Variants in PSD2 observed in about 807,000 individuals in gnomAD.
PSD2 encodes the protein PH and SEC7 domain-containing protein 2.
Under a neutral mutation model 69.8 loss-of-function variants are expected in PSD2, and 38 were observed. That is an observed-to-expected ratio of 0.54 (90% CI 0.42 to 0.71). The LOEUF is 0.71. Ranked by LOEUF, PSD2 falls within the 30% of genes least tolerant of loss-of-function variation. The probability of loss-of-function intolerance (pLI) is 0.00; values close to 1 mark genes in which losing one functional copy is unlikely to be tolerated. For missense variants in PSD2, 943 were observed against 1,014.5 expected, an observed-to-expected ratio of 0.93 and a Z score of 0.96; for synonymous variants, 412 against 423.0, an observed-to-expected ratio of 0.97 and a Z score of 0.32.
At chr5:139,808,828 G>C (rs767014231) in intron 1 of PSD2, among the ~76,000 whole-genome samples, 23 of 152,246 alleles carry the variant, frequency 1.5e-4, no homozygotes, top group Non-Finnish European at 2.1e-4. Flanking sequence ...TCTGGGGTGG[G>C]CCCTGCTCCA....
the PSD2 span, among the ~76,000 whole-genome samples, chr5:139,759,508 C>A: frequency 1.3e-5 from 2 of 152,136 alleles, no homozygotes; most frequent in African/African-American, 4.8e-5. Context: ...CTGACGAAAT[C>A]GTCCTTTTCT....
At chr5:139,820,798 A>C (rs962551665) in intron 5 of PSD2, among the ~76,000 whole-genome samples, 2 of 152,128 alleles carry the variant, frequency 1.3e-5, no homozygotes, top group African/African-American at 2.4e-5. Flanking sequence ...GGCACTGAAT[A>C]GTGAAATGCC....
the PSD2 span, among the ~76,000 whole-genome samples, chr5:139,776,472 GT>G: frequency 6.6e-6 from 1 of 152,290 alleles, no homozygotes; most frequent in South Asian, 2.1e-4. Flanking sequence ...GGCTTTGTTT[GT>G]TTTTGTCCAG....
At chr5:139,766,828 C>CTTCTCTCTCCT in the PSD2 span, among the ~76,000 whole-genome samples, 3 of 87,812 alleles carry the variant, frequency 3.4e-5, 1 homozygote, top group South Asian at 8.6e-4. Flanking sequence ...AAGTCCCTTC[C>CTTCTCTCTCCT]TTCTTTCTTT....
intron 7 of PSD2, among the ~76,000 whole-genome samples, chr5:139,827,372 G>C (rs1351506743): frequency 6.6e-6 from 1 of 152,232 alleles, no homozygotes; most frequent in Non-Finnish European, 1.5e-5. Flanking sequence ...ACAGCTGTGT[G>C]TCCTACAAGT....
At chr5:139,764,597 G>C in the PSD2 span, among the ~76,000 whole-genome samples, 17 of 152,186 alleles carry the variant, frequency 1.1e-4, no homozygotes, top group Non-Finnish European at 2.4e-4. Flanking sequence ...ATCTCGAGCC[G>C]CGCGCCGCCC....
chr5:139,805,313 C>T (rs968337594), intron 1 of PSD2, among the ~76,000 whole-genome samples: 1 of 152,258 alleles, frequency 6.6e-6, no homozygotes, highest in African/African-American at 2.4e-5. Context: ...CCATCAGAAT[C>T]TCAGCCTTGC....
chr5:139,811,507 G>C (rs1248093532), intron 2 of PSD2, among the ~76,000 whole-genome samples: 2 of 152,170 alleles, frequency 1.3e-5, no homozygotes, highest in African/African-American at 4.8e-5. Flanking sequence ...CAGCTGATCT[G>C]AAATGGGCTG....
At chr5:139,760,565 C>G in the PSD2 span, among the ~76,000 whole-genome samples, 4 of 152,200 alleles carry the variant, frequency 2.6e-5, no homozygotes, top group African/African-American at 9.7e-5. Flanking sequence ...GATTCCAGCT[C>G]TGCCCCTGAT....
chr5:139,748,446 G>T, the PSD2 span, among the ~76,000 whole-genome samples: 1 of 152,102 alleles, frequency 6.6e-6, no homozygotes, highest in African/African-American at 2.4e-5. Context: ...ACACCTGACC[G>T]CAATGCTCGT....
chr5:139,775,663 C>G, the PSD2 span, among the ~76,000 whole-genome samples: 1 of 151,974 alleles, frequency 6.6e-6, no homozygotes, highest in East Asian at 1.9e-4. Flanking sequence ...CCTGTCTTCT[C>G]CTTCTCCTTT....
At chr5:139,806,788 G>A (rs1040980766) in intron 1 of PSD2, among the ~76,000 whole-genome samples, 3 of 152,148 alleles carry the variant, frequency 2.0e-5, no homozygotes. Context: ...CCCTTGCTTG[G>A]GCTCAGCAAG....
chr5:139,797,556 G>A (rs1759562346), intron 1 of PSD2, among the ~76,000 whole-genome samples: 1 of 152,194 alleles, frequency 6.6e-6, no homozygotes, highest in Admixed American at 6.5e-5. Flanking sequence ...CTGACAAATA[G>A]TGCCTCCCAG....
the PSD2 span, among the ~76,000 whole-genome samples, chr5:139,748,251 A>G: frequency 7.2e-6 from 1 of 139,050 alleles, no homozygotes; most frequent in African/African-American, 2.7e-5. Context: ...CAGCCCTGCC[A>G]CATCCATGAT....
At chr5:139,748,395 T>C in the PSD2 span, among the ~76,000 whole-genome samples, 1 of 152,178 alleles carries the variant, frequency 6.6e-6, no homozygotes, top group African/African-American at 2.4e-5. Flanking sequence ...AGATGTACCC[T>C]AGGCCCCCGG....
At chr5:139,816,191 A>G (rs1760119192) in intron 4 of PSD2, among the ~76,000 whole-genome samples, 1 of 152,140 alleles carries the variant, frequency 6.6e-6, no homozygotes, top group South Asian at 2.1e-4. Flanking sequence ...CATTTGATTT[A>G]TAAATACTTT....
intron 2 of PSD2, among the ~76,000 whole-genome samples, chr5:139,810,297 T>A (rs1759926492): frequency 6.6e-6 from 1 of 152,204 alleles, no homozygotes; most frequent in Non-Finnish European, 1.5e-5. Flanking sequence ...TCCTGCTTAC[T>A]GGAGTTACAG....
At chr5:139,744,697 A>G in the PSD2 span, among the ~76,000 whole-genome samples, 4 of 152,126 alleles carry the variant, frequency 2.6e-5, no homozygotes, top group African/African-American at 9.7e-5. Context: ...CCTGCCCCAG[A>G]CCCAGCCCAG....
chr5:139,756,139 C>T, the PSD2 span, among the ~76,000 whole-genome samples: 1 of 152,120 alleles, frequency 6.6e-6, no homozygotes, highest in Non-Finnish European at 1.5e-5. Context: ...GCACCGGCCG[C>T]GGTCTGGGGG....
Sources: allele counts gnomAD v4.1 joint callset (sites outside exome capture counted in the v4.1 genomes callset), GRCh38; gene constraint gnomAD v4.1.1; transcripts MANE v1.5; gene names NCBI Gene and HGNC (gene_info 2026-07-23, HGNC 2026-07-21).